Variants in FBXL3 observed in about 807,000 individuals in gnomAD.
FBXL3 encodes the protein F-box/LRR-repeat protein 3.
In FBXL3, 14 loss-of-function variants were observed where a neutral mutation model predicts 37.9. The observed-to-expected ratio is 0.37, with a 90% CI of 0.24 to 0.58. The LOEUF (loss-of-function observed/expected upper bound fraction) is 0.58, where lower values mean the gene tolerates loss of function less well. FBXL3 is among the 20% of genes least tolerant of loss of function. The probability of loss-of-function intolerance (pLI) is 0.74; values close to 1 mark genes in which losing one functional copy is unlikely to be tolerated. For missense variants in FBXL3, 327 were observed against 511.1 expected, an observed-to-expected ratio of 0.64 and a Z score of 3.47; for synonymous variants, 194 against 180.1, an observed-to-expected ratio of 1.08 and a Z score of -0.62.
Position 77,007,547 on chromosome 13 carries a change from T to A in FBXL3, c.885A>T (p.Leu295Phe). The change falls in exon 5 of 5, where the codon TTA becomes TTT. Residue 295 changes from leucine (L) to phenylalanine (F), a missense_variant. Leu to Phe is a conservative substitution (Grantham distance 22). Coordinates refer to ENST00000355619, the MANE Select transcript of FBXL3 (RefSeq NM_012158.4). ...PKVNLVMYFF[L>F]YEEEFDPFFR... ...AGAAGGGGTCAAATTCTTCTTCATA[T>A]AAAAAAAAATACATCACTAAGTTCA... 1 of 1,598,184 alleles carries A rather than the reference T, an allele frequency of 6.3e-7. No individual in the cohort carries two copies. The highest frequency in any genetic ancestry group is 8.6e-7 in the Non-Finnish European group (1 of 1,168,922).
intron 2 of FBXL3, 151 bp downstream of exon 2, chr13:77,021,362 G>T (rs201302736): frequency 2.0e-6 from 1 of 509,708 alleles, no homozygotes; most frequent in Non-Finnish European, 3.4e-6. Flanking sequence ...ATAATATTTT[G>T]TGACAGCTTC....
At chr13:77,020,762 C>T (rs778715251) in intron 2 of FBXL3, among the ~76,000 whole-genome samples, 21 of 152,100 alleles carry the variant, frequency 1.4e-4, no homozygotes, top group Non-Finnish European at 2.9e-4. Flanking sequence ...GACAGGGTCT[C>T]GCTCTGTCAC....
chr13:77,007,629 T>C lies in FBXL3; in HGVS notation c.803A>G (p.His268Arg), dbSNP rs943735886. ...GCTACTCTTCTGAATAGTATGGAAG[T>C]GTGTCTGTCCAGGATTCTCACTGAC... ...DVVSENPGQTHFHTIQKSSWD... is the reference protein window; with the variant it reads ...DVVSENPGQTRFHTIQKSSWD... The change falls in exon 5 of 5, where the codon CAC becomes CGC. Residue 268 changes from histidine to arginine, a missense_variant. His to Arg is a conservative substitution (Grantham distance 29). Coordinates refer to ENST00000355619, the MANE Select transcript of FBXL3 (RefSeq NM_012158.4). The C allele has an allele frequency of 6.2e-7, 1 of 1,614,194 alleles. No individual in the cohort carries two copies.
In FBXL3 at chr13:77,021,799, G is replaced by A. The variant is rs760810775; in HGVS notation, c.62C>T (p.Ser21Phe). ...NSSEEGTAEK[S>F]KKLRTTNEHS... ...CTCATTTGTAGTCCTCAGTTTCTTG[G>A]ATTTCTCTGCAGTTCCTTCTTCTGA... Residue 21 changes from serine to phenylalanine, a missense_variant, in exon 2 of 5, where the codon TCC becomes TTC. By Grantham distance (155) the Ser-to-Phe change is radical. Coordinates refer to ENST00000355619, the MANE Select transcript of FBXL3 (RefSeq NM_012158.4). The A allele has an allele frequency of 3.1e-6, 5 of 1,613,596 alleles. No individual in the cohort carries two copies. In the South Asian group the frequency reaches 5.5e-5, roughly 18 times the overall value.
At chr13:77,018,573 A>C in intron 3 of FBXL3, 27 bp downstream of exon 3, 1 of 1,540,892 alleles carries the variant, frequency 6.5e-7, no homozygotes, top group Non-Finnish European at 8.7e-7. Flanking sequence ...TCTCAGTAAT[A>C]GATAATAAAA....
chr13:77,023,487 T>C (rs1315369604), intron 1 of FBXL3, among the ~76,000 whole-genome samples: 1 of 152,176 alleles, frequency 6.6e-6, no homozygotes, highest in Non-Finnish European at 1.5e-5. Flanking sequence ...TTTTTTTTTC[T>C]TGCAAACATC....
chr13:77,018,836 T>C (rs914934238), intron 2 of FBXL3, 114 bp from the exon 3 acceptor site: 4 of 813,526 alleles, frequency 4.9e-6, no homozygotes, highest in East Asian at 3.2e-5. Context: ...TCTGTACACA[T>C]ATTCATTTTA....
At position 77,015,392 on chromosome 13, in the gene FBXL3, C is replaced by CA. The variant is rs757889902; in HGVS notation, c.643+16dup. ...ATGCATTTTACTAAAATGTGTCTAG[C>CA]AAAAAACACAACATACCTGCTGGAG... On this transcript the variant is annotated intron_variant, in intron 4 of 4. Transcript: ENST00000355619. The CA allele has an allele frequency of 1.7e-5, 25 of 1,494,952 alleles. No homozygotes were observed. Among genetic ancestry groups the CA allele is most frequent in the Middle Eastern group, 1.8e-4 (1 of 5,622 alleles). 92.6% of individuals were successfully genotyped at this position (1,494,952 alleles called of 1,614,324 possible).
intron 4 of FBXL3, among the ~76,000 whole-genome samples, chr13:77,012,047 G>A (rs1735945919): frequency 6.6e-6 from 1 of 152,206 alleles, no homozygotes; most frequent in Non-Finnish European, 1.5e-5. Context: ...GTCCAGAACA[G>A]GCAAATCTAC....
chr13:77,026,014 A>G (rs2034832130), intron 1 of FBXL3, among the ~76,000 whole-genome samples: 1 of 152,174 alleles, frequency 6.6e-6, no homozygotes, highest in South Asian at 2.1e-4. Context: ...AGATAGATAG[A>G]TAACTGATAG....
chr13:77,010,622 A>C (rs1391115105), intron 4 of FBXL3: 1 of 152,208 alleles, frequency 6.6e-6, no homozygotes, highest in Non-Finnish European at 1.5e-5. Flanking sequence ...AAAAAAGAAA[A>C]ATCACAACCA....
Position 77,005,971 on chromosome 13 carries a change from A to G in FBXL3, c.*1174T>C, listed in dbSNP as rs529817729. ...TAAAATGTTACCTAACTTAAATAATATAAAATATCGGTTTAACCAAATTAA... is the reference window on the plus strand; with the variant it reads ...TAAAATGTTACCTAACTTAAATAATGTAAAATATCGGTTTAACCAAATTAA... On this transcript the variant is annotated 3_prime_UTR_variant, in exon 5 of 5. Coordinates refer to ENST00000355619, the MANE Select transcript of FBXL3 (RefSeq NM_012158.4). The G allele has an allele frequency of 6.6e-5, 10 of 152,644 alleles. No individual in the cohort carries two copies. The South Asian group carries it at 1.2e-3, about 19-fold the overall frequency. The allele number at this position is 152,644 out of a possible 1,614,324, so 9.5% of individuals were successfully genotyped here.
intron 1 of FBXL3, chr13:77,026,235 T>C: frequency 2.0e-6 from 2 of 985,360 alleles, no homozygotes; most frequent in Non-Finnish European, 2.4e-6. Flanking sequence ...CAACCCCACC[T>C]AAAGGACTGC....
Position 77,021,353 on chromosome 13 carries a change from T to C in FBXL3, c.348+160A>G, listed in dbSNP as rs535353807. ...TAGAGTAATTTAGCTCCATCAAATA[T>C]AATATTTTGTGACAGCTTCTAAGGT... On this transcript the variant is annotated intron_variant, in intron 2 of 4. Transcript: ENST00000355619. Among the ~76,000 whole-genome samples the C allele has an allele frequency of 1.1e-4, 17 of 150,888 alleles. No individual in the cohort carries two copies. In the South Asian group the frequency reaches 2.9e-3, roughly 26 times the overall value.
chr13:77,025,924 A>G (rs1481275235), intron 1 of FBXL3, among the ~76,000 whole-genome samples: 1 of 152,158 alleles, frequency 6.6e-6, no homozygotes, highest in African/African-American at 2.4e-5. Context: ...AACTACAAGA[A>G]TAAAACACTA....
At position 77,007,166 on chromosome 13, in the gene FBXL3, G is replaced by A. The variant is rs200610714; in HGVS notation, c.1266C>T (p.Pro422=). 3.7e-5 allele frequency: 60 copies of A among 1,604,550 alleles called. 2 individuals carry two copies. The highest frequency in any genetic ancestry group is 9.4e-5 in the African/African-American group (7 of 74,842). The change falls in exon 5 of 5, where the codon CCC becomes CCT. Residue 422 remains proline (P), a synonymous_variant. Transcript: ENST00000355619. ...VSKHLGRVWF[P]DMMPTW is the part of the protein sequence containing the mutation. Reference sequence around the variant, plus strand: ...GTTTTTACCAAGTGGGCATCATGTCGGGAAACCACACCCTACCAAGATGCT... The same window carrying A: ...GTTTTTACCAAGTGGGCATCATGTCAGGAAACCACACCCTACCAAGATGCT...
At chr13:77,023,751 C>T (rs939580894) in intron 1 of FBXL3, among the ~76,000 whole-genome samples, 1 of 152,156 alleles carries the variant, frequency 6.6e-6, no homozygotes, top group African/African-American at 2.4e-5. Flanking sequence ...GGCCTATCAG[C>T]ATAAAAGAAT....
chr13:77,011,531 A>G (rs1315703337), intron 4 of FBXL3, among the ~76,000 whole-genome samples: 1 of 151,890 alleles, frequency 6.6e-6, no homozygotes, highest in Non-Finnish European at 1.5e-5. Context: ...AGACTAGCCT[A>G]GGCAACCAGG....
rs1199517451 is a variant in FBXL3 at position 77,007,082 on chromosome 13, G to A, written c.*63C>T. 1.3e-5 allele frequency: 20 copies of A among 1,513,132 alleles called. No homozygotes were observed. The highest frequency in any genetic ancestry group is 1.7e-5 in the Non-Finnish European group (19 of 1,138,536). 93.7% of individuals were successfully genotyped at this position (1,513,132 alleles called of 1,614,324 possible). On this transcript the variant is annotated 3_prime_UTR_variant, in exon 5 of 5. Transcript: ENST00000355619. Reference sequence around the variant, plus strand: ...ATAGTAGAATTATATCAGAACTACAGCAAATAAAACTTTAATTATAATACA... The same window carrying A: ...ATAGTAGAATTATATCAGAACTACAACAAATAAAACTTTAATTATAATACA...
Sources: gnomAD v4.1 joint callset for allele counts (sites outside exome capture counted in the v4.1 genomes callset) on GRCh38, gnomAD v4.1.1 for gene constraint, MANE v1.5 for transcripts, NCBI Gene and HGNC (gene_info 2026-07-23, HGNC 2026-07-21) for gene names.